DCUN1D2: variants seen among roughly 807,000 people sequenced by gnomAD.
DCUN1D2 encodes defective in cullin neddylation 1 domain containing 2, also known as DCN1-like protein 2.
Under a neutral mutation model 30.9 loss-of-function variants are expected in DCUN1D2, and 29 were observed. The ratio of observed to expected loss-of-function variants is 0.94; its 90% CI spans 0.70 to 1.28. The LOEUF is 1.28. DCUN1D2 is among the 50% of genes most tolerant of loss of function. DCUN1D2 has a pLI of 0.00. For synonymous variants in DCUN1D2, 121 were observed against 115.3 expected (o/e 1.05, Z -0.32); for missense variants, 325 against 316.9 (o/e 1.03, Z -0.19).
intron 1 of DCUN1D2, among the ~76,000 whole-genome samples, chr13:113,487,379 C>T (rs541753610): frequency 4.5e-4 from 69 of 152,260 alleles, no homozygotes; most frequent in East Asian, 9.6e-4. Context: ...GAACATAATT[C>T]GGCCATAAAA....
intron 3 of DCUN1D2, among the ~76,000 whole-genome samples, chr13:113,477,534 G>A (rs543281222): frequency 6.6e-6 from 1 of 152,252 alleles, no homozygotes; most frequent in East Asian, 1.9e-4. Flanking sequence ...CCATAGGGTG[G>A]ACTAGCTATG....
chr13:113,482,520 T>G (rs1463385508), intron 2 of DCUN1D2, among the ~76,000 whole-genome samples: 1 of 152,242 alleles, frequency 6.6e-6, no homozygotes, highest in African/African-American at 2.4e-5. Context: ...CAAACCTGGT[T>G]TGTTTTACCA....
intron 5 of DCUN1D2, among the ~76,000 whole-genome samples, chr13:113,459,893 C>A (rs1038273650): frequency 6.6e-6 from 1 of 152,190 alleles, no homozygotes; most frequent in Non-Finnish European, 1.5e-5. Context: ...CGTGCTCCAT[C>A]GCACCAATAT....
intron 3 of DCUN1D2, among the ~76,000 whole-genome samples, chr13:113,475,217 T>C (rs773799499): frequency 2.6e-5 from 4 of 152,264 alleles, no homozygotes; most frequent in African/African-American, 4.8e-5. Flanking sequence ...AAGGCGTATG[T>C]CACAGTGGTC....
intron 6 of DCUN1D2, among the ~76,000 whole-genome samples, chr13:113,458,347 G>A (rs1386563511): frequency 6.6e-6 from 1 of 152,214 alleles, no homozygotes; most frequent in Non-Finnish European, 1.5e-5. Flanking sequence ...GGCTCACAGT[G>A]GCCCCGGATG....
At position 113,456,383 on chromosome 13, in the gene DCUN1D2, C is replaced by T; in HGVS notation, c.*1646G>A. On this transcript the variant is annotated 3_prime_UTR_variant, in exon 7 of 7. Coordinates refer to ENST00000478244, the MANE Select transcript of DCUN1D2 (RefSeq NM_001014283.2). ...GTCCTGCAGCCTCCAAGCACACTAA[C>T]CTCAGCCATCAGATGTTCCTGAAGC... 2 of 398,914 alleles carry T rather than the reference C, an allele frequency of 5.0e-6. No individual in the cohort carries two copies. The highest frequency in any genetic ancestry group is 8.8e-6 in the Non-Finnish European group (2 of 226,274). The allele number at this position is 398,914 out of a possible 1,614,324, so 24.7% of individuals were successfully genotyped here.
rs1566490717 is a variant in DCUN1D2 at position 113,459,332 on chromosome 13, A to AT, written c.679dup (p.Met227AsnfsTer3). On this transcript the variant is annotated frameshift_variant, in exon 6 of 7. Transcript: ENST00000478244. LOFTEE classifies it high-confidence loss of function. ...GGTACCTTCTTCATCGTAGTTAGACATATCATCCGCAATCATGTTTCCAAA... is the reference window on the plus strand; with the variant it reads ...GGTACCTTCTTCATCGTAGTTAGACATTATCATCCGCAATCATGTTTCCAAA... The AT allele has an allele frequency of 3.1e-6, 5 of 1,594,408 alleles. No homozygotes were observed. Among genetic ancestry groups the AT allele is most frequent in the Non-Finnish European group, 4.3e-6 (5 of 1,162,168 alleles).
intron 4 of DCUN1D2, among the ~76,000 whole-genome samples, chr13:113,470,185 C>T (rs982380487): frequency 5.9e-5 from 9 of 152,316 alleles, no homozygotes; most frequent in African/African-American, 2.2e-4. Context: ...TCCTCACCAC[C>T]GTGTTACGGT....
At chr13:113,483,816 G>T (rs750644832) in intron 2 of DCUN1D2, 24 bp downstream of exon 2, 2 of 1,605,240 alleles carry the variant, frequency 1.2e-6, no homozygotes, top group Middle Eastern at 4.5e-4. Context: ...ACATCCGTCC[G>T]GCTTTGCTGC....
At chr13:113,482,923 C>G (rs1485753074) in intron 2 of DCUN1D2, among the ~76,000 whole-genome samples, 1 of 152,110 alleles carries the variant, frequency 6.6e-6, no homozygotes, top group African/African-American at 2.4e-5. Context: ...AGCCTGGTGA[C>G]AGAGCAAGAC....
In DCUN1D2 at chr13:113,477,980, G is replaced by C. The variant is rs543876917; in HGVS notation, c.389+2595C>G. Among the ~76,000 whole-genome samples the C allele has an allele frequency of 2.0e-5, 3 of 152,288 alleles. No homozygotes were observed. In the South Asian group the frequency reaches 6.2e-4, roughly 32 times the overall value. On this transcript the variant is annotated intron_variant, in intron 3 of 6. Transcript: ENST00000478244. ...TATAATCATCTTATGCATCTTCTGA[G>C]TCTTACAGCTGAGAGTGGCCTATAA...
At chr13:113,480,770 A>G in intron 2 of DCUN1D2, 27 bp from the exon 3 acceptor site, 2 of 1,611,058 alleles carry the variant, frequency 1.2e-6, no homozygotes, top group Non-Finnish European at 1.7e-6. Flanking sequence ...GGGAAAAGGA[A>G]GTTATACTAT....
intron 4 of DCUN1D2, among the ~76,000 whole-genome samples, chr13:113,465,320 G>A (rs1413083116): frequency 6.6e-6 from 1 of 152,080 alleles, no homozygotes; most frequent in African/African-American, 2.4e-5. Flanking sequence ...AAAGGAAGCT[G>A]GATAGACCTC....
chr13:113,458,464 A>AG (rs1313308309), intron 6 of DCUN1D2, among the ~76,000 whole-genome samples: 9 of 152,184 alleles, frequency 5.9e-5, no homozygotes, highest in Non-Finnish European at 8.8e-5. Flanking sequence ...TCTTGCCAGC[A>AG]GGGGGTGCTC....
chr13:113,491,494 T>C (rs971701446), upstream of DCUN1D2, among the ~76,000 whole-genome samples: 2 of 149,044 alleles, frequency 1.3e-5, no homozygotes, highest in Non-Finnish European at 3.0e-5. Context: ...CCTTCCTTCC[T>C]TCCCTCCCTC....
At chr13:113,469,604 C>T (rs1262814585) in intron 4 of DCUN1D2, among the ~76,000 whole-genome samples, 2 of 152,198 alleles carry the variant, frequency 1.3e-5, no homozygotes, top group South Asian at 2.1e-4. Flanking sequence ...TCACTGAAAC[C>T]CAGGAGCCTG....
rs145185739 is a variant in DCUN1D2, at chr13:113,465,333, A to G, written c.521-4197T>C. ...GGAAAGGAAGCTGGATAGACCTCTG[A>G]GAATTAAACTGCTCAAAAGTAAAGC... On this transcript the variant is annotated intron_variant, in intron 4 of 6. Coordinates refer to ENST00000478244, the MANE Select transcript of DCUN1D2 (RefSeq NM_001014283.2). Among the ~76,000 whole-genome samples, 165 of 152,284 alleles carry G rather than the reference A, an allele frequency of 1.1e-3. 4 individuals are homozygous for G. The East Asian group carries it at 0.03, about 27-fold the overall frequency.
rs1442919642 is a variant in DCUN1D2, at chr13:113,457,507, T to G, written c.*522A>C. 6.6e-6 allele frequency: 1 copy of G among 152,222 alleles called. No homozygotes were observed. Among genetic ancestry groups the G allele is most frequent in the African/African-American group, 2.4e-5 (1 of 41,438 alleles). The allele number at this position is 152,222 out of a possible 1,614,324, so 9.4% of individuals were successfully genotyped here. On this transcript the variant is annotated 3_prime_UTR_variant, in exon 7 of 7. Transcript: ENST00000478244. ...TATTTGGTAATTCAAAAAATATAAATCGTGAATTGCTGGCACCAATTTTAA... is the reference window on the plus strand; with the variant it reads ...TATTTGGTAATTCAAAAAATATAAAGCGTGAATTGCTGGCACCAATTTTAA...
intron 4 of DCUN1D2, among the ~76,000 whole-genome samples, chr13:113,466,806 T>C (rs1444170351): frequency 1.0e-5 from 1 of 96,646 alleles, no homozygotes; most frequent in Non-Finnish European, 2.0e-5. Context: ...TTTGGATTTT[T>C]TTTTTTTTTT....
Sources: allele counts gnomAD v4.1 joint callset (sites outside exome capture counted in the v4.1 genomes callset), GRCh38; gene constraint gnomAD v4.1.1; transcripts MANE v1.5; gene names NCBI Gene and HGNC (gene_info 2026-07-23, HGNC 2026-07-21).